Variants in ZNF594 observed in about 807,000 individuals in gnomAD.
The protein encoded by ZNF594 is zinc finger protein 594, also known as zinc finger protein HZF18.
For missense variants in ZNF594, 1,037 were observed against 964.6 expected (o/e 1.08, Z -0.99); for synonymous variants, 336 against 309.4 (o/e 1.09, Z -0.90).
At position 5,181,728 on chromosome 17, in the gene ZNF594, G is replaced by A. The variant is rs778308385; in HGVS notation, c.*105C>T. ...TTTCCCACATTCACTACATTCATGA[G>A]GTTTCTCTCCAGTATGAACACGATG... On this transcript the variant is annotated 3_prime_UTR_variant, in exon 2 of 2. Transcript: ENST00000575779. The A allele has an allele frequency of 5.0e-5, 80 of 1,588,174 alleles. No homozygotes were observed. The South Asian group carries it at 7.7e-4, about 15-fold the overall frequency.
chr17:5,184,188 T>C lies in ZNF594; in HGVS notation c.69A>G (p.Lys23=), dbSNP rs772100637. 6.2e-7 allele frequency: 1 copy of C among 1,613,984 alleles called. No homozygotes were observed. Among genetic ancestry groups the C allele is most frequent in the South Asian group, 1.1e-5 (1 of 91,012 alleles). Residue 23 remains lysine, a synonymous_variant, in exon 2 of 2, where the codon AAA becomes AAG. Transcript: ENST00000575779. Reference sequence around the variant, plus strand: ...ATTCCTGGGTGATTTGTCTTTGGAGTTTTTCGGATGCAGCCCTTGCTGACT... The same window carrying C: ...ATTCCTGGGTGATTTGTCTTTGGAGCTTTTCGGATGCAGCCCTTGCTGACT... The part of the protein sequence containing the change: ...EKKSARAASE[K]LQRQITQECE...
Position 5,179,687 on chromosome 17 carries a change from T to C in ZNF594, c.*2146A>G, listed in dbSNP as rs2074325435. 1 of 152,226 alleles carries C rather than the reference T, an allele frequency of 6.6e-6. No individual in the cohort carries two copies. Among genetic ancestry groups the C allele is most frequent in the Non-Finnish European group, 1.5e-5 (1 of 68,014 alleles). 9.4% of individuals were successfully genotyped at this position (152,226 alleles called of 1,614,324 possible). ...TTTTTAATCTGGAGTTTACAAGTCA[T>C]AGTTAATATTTCAAAAAGCCTAACA... On this transcript the variant is annotated 3_prime_UTR_variant, in exon 2 of 2. Coordinates refer to ENST00000575779, the MANE Select transcript of ZNF594 (RefSeq NM_032530.2).
At chr17:5,189,566 A>G (rs1054741068) in intron 1 of ZNF594, among the ~76,000 whole-genome samples, 8 of 141,548 alleles carry the variant, frequency 5.7e-5, no homozygotes, top group African/African-American at 1.9e-4. Context: ...ACATGCTCTC[A>G]TTCTGTCACC....
In ZNF594 at chr17:5,182,351, T is replaced by C. The variant is rs2074349742; in HGVS notation, c.1906A>G (p.Ser636Gly). Reference protein sequence around the residue: ...CNKCGKSFRGSSDLIKHHRIH... With the variant: ...CNKCGKSFRGGSDLIKHHRIH... ...CGATGGTGTTTAATAAGATCTGAGC[T>C]ACCCCTAAAAGATTTCCCACATTTG... Residue 636 changes from serine to glycine, a missense_variant, in exon 2 of 2, where the codon AGC becomes GGC. Coordinates refer to ENST00000575779, the MANE Select transcript of ZNF594 (RefSeq NM_032530.2). 1 of 1,613,606 alleles carries C rather than the reference T, an allele frequency of 6.2e-7. No individual in the cohort carries two copies. Among genetic ancestry groups the C allele is most frequent in the East Asian group, 2.2e-5 (1 of 44,824 alleles).
intron 1 of ZNF594, among the ~76,000 whole-genome samples, chr17:5,187,210 G>A (rs916833536): frequency 6.6e-6 from 1 of 152,212 alleles, no homozygotes. Context: ...TATGGCAGGA[G>A]GCAAAAGGCA....
Position 5,181,135 on chromosome 17 carries a change from C to T in ZNF594, c.*698G>A, listed in dbSNP as rs749387883. ...TTCTGACTGAAGGCCTTCCAACATT[C>T]AGGGCATTCATAGGGTTTCTCTCCA... On this transcript the variant is annotated 3_prime_UTR_variant, in exon 2 of 2. Transcript: ENST00000575779. 1.3e-6 allele frequency: 2 copies of T among 1,596,740 alleles called. No homozygotes were observed. Among genetic ancestry groups the T allele is most frequent in the Non-Finnish European group, 1.7e-6 (2 of 1,167,360 alleles).
At chr17:5,179,505 G>T, downstream of ZNF594, 1 of 154,236 alleles carries the variant, frequency 6.5e-6, no homozygotes. Context: ...TCTAATTACG[G>T]CCCCTGGCAC....
chr17:5,183,607 C>T lies in ZNF594; in HGVS notation c.650G>A (p.Gly217Glu), dbSNP rs561624636. 11 of 1,614,054 alleles carry T rather than the reference C, an allele frequency of 6.8e-6. No homozygotes were observed. The South Asian group carries it at 9.9e-5, about 14-fold the overall frequency. ...GTTTGAGCTTCCCTTAAAAGCCTTC[C>T]CACACTCTTTGCACTCATAGGGATT... ...GGNPYECKECGKAFKGSSNLV... is the reference protein window; with the variant it reads ...GGNPYECKECEKAFKGSSNLV... Residue 217 changes from glycine to glutamate, a missense_variant, in exon 2 of 2, where the codon GGG (glycine) becomes GAG (glutamate). Gly to Glu is a moderately conservative substitution (Grantham distance 98). Coordinates refer to ENST00000575779, the MANE Select transcript of ZNF594 (RefSeq NM_032530.2).
chr17:5,188,041 T>C (rs908130461), intron 1 of ZNF594, among the ~76,000 whole-genome samples: 2 of 151,972 alleles, frequency 1.3e-5, no homozygotes, highest in African/African-American at 4.8e-5. Context: ...TTAAATACCA[T>C]ACCCTCTCCT....
chr17:5,187,712 T>G (rs2074394250), intron 1 of ZNF594, among the ~76,000 whole-genome samples: 1 of 152,142 alleles, frequency 6.6e-6, no homozygotes, highest in South Asian at 2.1e-4. Context: ...AGTATTTACC[T>G]CATAGAGTTG....
rs117276761 is a variant in ZNF594, at chr17:5,183,129, A to G, written c.1128T>C (p.Tyr376=). ...AATTCCTACCACACTGATTACACCA[A>G]TAAGCTTTCTCTTCCTGGTGAATTC... ...EQRIHQEEKA[Y]WCNQCGRNFQ... is the part of the protein sequence containing the mutation. The change falls in exon 2 of 2, where the codon TAT becomes TAC. Residue 376 remains tyrosine (Y), a synonymous_variant. Coordinates refer to ENST00000575779, the MANE Select transcript of ZNF594 (RefSeq NM_032530.2). The G allele has an allele frequency of 3.5e-4, 565 of 1,614,130 alleles. 4 individuals are homozygous for G. The East Asian group carries it at 0.011, about 30-fold the overall frequency.
chr17:5,179,648 G>A lies in ZNF594; in HGVS notation c.*2185C>T, dbSNP rs2074325291. On this transcript the variant is annotated 3_prime_UTR_variant, in exon 2 of 2. Coordinates refer to ENST00000575779, the MANE Select transcript of ZNF594 (RefSeq NM_032530.2). ...TTAGTTTGATTCAAGCTCCATCAAAGATGAATTGGTTAGTTTTTAATCTGG... is the reference window on the plus strand; with the variant it reads ...TTAGTTTGATTCAAGCTCCATCAAAAATGAATTGGTTAGTTTTTAATCTGG... 1.3e-5 allele frequency: 2 copies of A among 152,020 alleles called. No homozygotes were observed. The highest frequency in any genetic ancestry group is 2.1e-4 in the South Asian group (1 of 4,826). 9.4% of individuals were successfully genotyped at this position (152,020 alleles called of 1,614,324 possible).
intron 1 of ZNF594, among the ~76,000 whole-genome samples, chr17:5,185,559 CATTTCAAA>C (rs1475745228): frequency 3.3e-5 from 5 of 152,184 alleles, no homozygotes; most frequent in Non-Finnish European, 5.9e-5. Flanking sequence ...TATGTCCTCA[CATTTCAAA>C]ACCAATCATG....
At position 5,182,237 on chromosome 17, in the gene ZNF594, G is replaced by T; in HGVS notation, c.2020C>A (p.His674Asn). ...CACTGATAGGGTTTCTCTCCAGTAT[G>T]GATTTTCTGGTGTGTAGCAAGGTGT... Reference protein sequence around the residue: ...RSHLATHQKIHTGEKPYQCSE... With the variant: ...RSHLATHQKINTGEKPYQCSE... The change falls in exon 2 of 2, where the codon CAT becomes AAT. Residue 674 changes from histidine (H) to asparagine (N), a missense_variant. Coordinates refer to ENST00000575779, the MANE Select transcript of ZNF594 (RefSeq NM_032530.2). 1 of 1,613,544 alleles carries T rather than the reference G, an allele frequency of 6.2e-7. No homozygotes were observed.
At position 5,179,965 on chromosome 17, in the gene ZNF594, GAATTA is replaced by G. The variant is rs2074327654; in HGVS notation, c.*1863_*1867del. Reference sequence around the variant, plus strand: ...GGTGATTAAAAAGTTGGAAACCACTGAATTAAATTACCTTCAAATCCCTGTAAGTA... The same window carrying G: ...GGTGATTAAAAAGTTGGAAACCACTGAATTACCTTCAAATCCCTGTAAGTA... On this transcript the variant is annotated 3_prime_UTR_variant, in exon 2 of 2. Coordinates refer to ENST00000575779, the MANE Select transcript of ZNF594 (RefSeq NM_032530.2). 1.3e-5 allele frequency: 2 copies of G among 151,796 alleles called. No homozygotes were observed. The highest frequency in any genetic ancestry group is 4.8e-5 in the African/African-American group (2 of 41,286). The allele number at this position is 151,796 out of a possible 1,614,324, so 9.4% of individuals were successfully genotyped here. A position where few individuals can be genotyped will look rare whatever the true frequency, so the allele number is the denominator to read the frequency against.
At chr17:5,175,373 A>G (rs373245889), downstream of ZNF594, among the ~76,000 whole-genome samples, 1 of 152,186 alleles carries the variant, frequency 6.6e-6, no homozygotes, top group Non-Finnish European at 1.5e-5. Flanking sequence ...TGTGCTCCTT[A>G]TGAGAATCTA....
downstream of ZNF594, among the ~76,000 whole-genome samples, chr17:5,178,774 T>C (rs1285400588): frequency 6.6e-6 from 1 of 152,136 alleles, no homozygotes; most frequent in East Asian, 1.9e-4. Flanking sequence ...AAAATCAATA[T>C]ATAAAATCAA....
chr17:5,186,086 A>T (rs2074384674), intron 1 of ZNF594, among the ~76,000 whole-genome samples: 1 of 152,164 alleles, frequency 6.6e-6, no homozygotes, highest in Non-Finnish European at 1.5e-5. Context: ...CTCCACTAGA[A>T]GGTGCCCGAG....
At chr17:5,174,419 C>T in the ZNF594 span, 2 of 190,986 alleles carry the variant, frequency 1.0e-5, no homozygotes, top group East Asian at 1.7e-4. Flanking sequence ...TATCTGAGGC[C>T]AGTAACTATT....
Sources: allele counts gnomAD v4.1 joint callset (sites outside exome capture counted in the v4.1 genomes callset), GRCh38; gene constraint gnomAD v4.1.1; transcripts MANE v1.5; gene names NCBI Gene and HGNC (gene_info 2026-07-23, HGNC 2026-07-21).